Variants in DRAXIN observed in about 807,000 individuals in gnomAD.
The protein encoded by DRAXIN is dorsal inhibitory axon guidance protein, also known as dorsal repulsive axon guidance protein.
DRAXIN carries 27 observed loss-of-function variants against 33.9 expected under a neutral mutation model. That is an observed-to-expected ratio of 0.80 (90% CI 0.59 to 1.10). The LOEUF is 1.10. DRAXIN is among the 50% of genes least tolerant of loss of function. The pLI, the probability that DRAXIN is intolerant of heterozygous loss-of-function variation, is 0.00. For missense variants in DRAXIN, 371 were observed against 460.8 expected (o/e 0.81, Z 1.78); for synonymous variants, 178 against 194.0 (o/e 0.92, Z 0.69).
Position 11,720,318 on chromosome 1 carries a change from C to T in DRAXIN, c.*622C>T, listed in dbSNP as rs984298202. On this transcript the variant is annotated 3_prime_UTR_variant, in exon 7 of 7. Coordinates refer to ENST00000294485, the MANE Select transcript of DRAXIN (RefSeq NM_198545.4). ...AGTTAAAAATGTACATCTGGCCGGG[C>T]GCGGCGGCTCACGCTTGTAATCCCA... is the stretch of plus-strand genomic sequence containing the variant. 16 of 152,526 alleles carry T rather than the reference C, an allele frequency of 1.0e-4. No individual in the cohort carries two copies. The highest frequency in any genetic ancestry group is 6.5e-4 in the Admixed American group (10 of 15,296). The allele number at this position is 152,526 out of a possible 1,614,324, so 9.4% of individuals were successfully genotyped here. A position where few individuals can be genotyped will look rare whatever the true frequency, so the allele number is the denominator to read the frequency against.
Position 11,704,471 on chromosome 1 carries a change from C to G in DRAXIN, c.-10-1778C>G, listed in dbSNP as rs1641348745. 6.6e-6 allele frequency among the ~76,000 whole-genome samples: 1 copy of G among 152,214 alleles called. No homozygotes were observed. The highest frequency in any genetic ancestry group is 1.5e-5 in the Non-Finnish European group (1 of 68,048). The stretch of plus-strand genomic sequence containing the variant: ...AGGCCTTTAAAATGGGCCCCTCCTC[C>G]CCCTGGGCTGCCTCAGGAACCAGGG... On this transcript the variant is annotated intron_variant, in intron 1 of 6. Coordinates refer to ENST00000294485, the MANE Select transcript of DRAXIN (RefSeq NM_198545.4). This position sits in a 1 kb window ranked among gnomAD's most constrained non-coding sequence, Gnocchi z 4.6.
At chr1:11,719,494 G>A in intron 6 of DRAXIN, 90 bp from the exon 7 acceptor site, 1 of 1,137,246 alleles carries the variant, frequency 8.8e-7, no homozygotes, top group South Asian at 1.4e-5. Flanking sequence ...GAAGGCAGGA[G>A]GGAGCTGGCT....
chr1:11,706,301 G>A lies in DRAXIN; in HGVS notation c.43G>A (p.Val15Ile), dbSNP rs777262686. The part of the protein sequence containing the change: ...AIHTAPMLFL[V>I]LLLPLELSLA... ...CCACACCGCTCCCATGCTGTTCCTCGTCCTCCTGCTGCCCCTGGAGCTGAG... is the reference window on the plus strand; with the variant it reads ...CCACACCGCTCCCATGCTGTTCCTCATCCTCCTGCTGCCCCTGGAGCTGAG... The change falls in exon 2 of 7, where the codon GTC becomes ATC. Residue 15 changes from valine (V) to isoleucine (I), a missense_variant. Val to Ile is a conservative substitution (Grantham distance 29). Transcript: ENST00000294485. The surrounding 1 kb of genome is among the most constrained non-coding windows in gnomAD (Gnocchi z 5.5). 33 of 1,612,532 alleles carry A rather than the reference G, an allele frequency of 2.0e-5. No individual in the cohort carries two copies. Among genetic ancestry groups the A allele is most frequent in the East Asian group, 8.9e-5 (4 of 44,876 alleles).
upstream of DRAXIN, among the ~76,000 whole-genome samples, chr1:11,686,821 A>C (rs1640965545): frequency 6.6e-6 from 1 of 151,832 alleles, no homozygotes; most frequent in Non-Finnish European, 1.5e-5. Flanking sequence ...AAAAAAAAAA[A>C]AAAAAAAAAA....
intron 1 of DRAXIN, among the ~76,000 whole-genome samples, chr1:11,693,661 G>A (rs1035750375): frequency 3.3e-5 from 5 of 152,094 alleles, no homozygotes; most frequent in South Asian, 2.1e-4. Flanking sequence ...GCTCCTGCTC[G>A]AAATCCGACC....
chr1:11,723,975 A>G lies in DRAXIN; in HGVS notation c.*4279A>G, dbSNP rs1231710465. 6.6e-6 allele frequency: 1 copy of G among 152,212 alleles called. No homozygotes were observed. Among genetic ancestry groups the G allele is most frequent in the African/African-American group, 2.4e-5 (1 of 41,452 alleles). 9.4% of individuals were successfully genotyped at this position (152,212 alleles called of 1,614,324 possible). On this transcript the variant is annotated 3_prime_UTR_variant, in exon 7 of 7. Transcript: ENST00000294485. ...CCAGTGTTAGCTAATTTGTTATTCT[A>G]GGAGAATTTTAGATGTCGGTTCTTT...
chr1:11,707,504 C>T (rs1641407841), intron 2 of DRAXIN, among the ~76,000 whole-genome samples: 1 of 152,202 alleles, frequency 6.6e-6, no homozygotes, highest in Admixed American at 6.5e-5. Flanking sequence ...GGTCCCATCC[C>T]ATCTACCCTC....
At chr1:11,709,761 G>A (rs2100739427) in intron 3 of DRAXIN, among the ~76,000 whole-genome samples, 1 of 152,366 alleles carries the variant, frequency 6.6e-6, no homozygotes, top group East Asian at 1.9e-4. Flanking sequence ...AGAGCAGCAA[G>A]GCCTGGGGAG....
chr1:11,706,742 G>A lies in DRAXIN; in HGVS notation c.451+33G>A. On this transcript the variant is annotated intron_variant, in intron 2 of 6. Transcript: ENST00000294485. The surrounding 1 kb of genome is among the most constrained non-coding windows in gnomAD (Gnocchi z 5.5). ...GAGGGCTGCGAGGGGTGGGGATGGG[G>A]GTGATTCCTGCCATGGACTGAGGGG... 6.6e-7 allele frequency: 1 copy of A among 1,509,634 alleles called. No individual in the cohort carries two copies. Among genetic ancestry groups the A allele is most frequent in the Non-Finnish European group, 8.8e-7 (1 of 1,131,730 alleles). 93.5% of individuals were successfully genotyped at this position (1,509,634 alleles called of 1,614,324 possible).
rs755592811 is a variant in DRAXIN, at chr1:11,715,175, A to G, written c.904A>G (p.Asn302Asp). 1.9e-6 allele frequency: 3 copies of G among 1,614,238 alleles called. No individual in the cohort carries two copies. Among genetic ancestry groups the G allele is most frequent in the Middle Eastern group, 1.6e-4 (1 of 6,062 alleles). The part of the protein sequence containing the change: ...LCTPHNRGLN[N>D]KCFDDCMCVE... ...CACACCCCACAACCGAGGCCTCAAC[A>G]ACAAATGCTTCGATGACTGCATGTG... The change falls in exon 6 of 7, where the codon AAC becomes GAC. Residue 302 changes from asparagine to aspartate, a missense_variant. Asn to Asp is a conservative substitution (Grantham distance 23, BLOSUM62 1). Transcript: ENST00000294485.
intron 1 of DRAXIN, among the ~76,000 whole-genome samples, chr1:11,693,930 G>A (rs1250251946): frequency 2.0e-5 from 3 of 152,094 alleles, no homozygotes; most frequent in African/African-American, 7.2e-5. Context: ...TGTCCCCTCT[G>A]CGTCCCAGGT....
chr1:11,701,387 T>C (rs1170981296), intron 1 of DRAXIN, among the ~76,000 whole-genome samples: 7 of 152,204 alleles, frequency 4.6e-5, no homozygotes, highest in African/African-American at 1.7e-4. Context: ...TTCGTCATTT[T>C]AAAACCATGG....
rs952333782 is a variant in DRAXIN at position 11,704,899 on chromosome 1, C to T, written c.-10-1350C>T. ...ATGGAGGCAGAACTGGGTGAAGCCA[C>T]CACAGACCCTGCGAGGCTGGAGAAG... On this transcript the variant is annotated intron_variant, in intron 1 of 6. Coordinates refer to ENST00000294485, the MANE Select transcript of DRAXIN (RefSeq NM_198545.4). The surrounding 1 kb of genome is among the most constrained non-coding windows in gnomAD (Gnocchi z 4.6). 7.2e-5 allele frequency among the ~76,000 whole-genome samples: 11 copies of T among 152,170 alleles called. No homozygotes were observed. The highest frequency in any genetic ancestry group is 2.7e-4 in the African/African-American group (11 of 41,442).
chr1:11,719,695 A>C lies in DRAXIN; in HGVS notation c.1049A>C (p.Ter350SerextTer8). The change falls in exon 7 of 7, where the codon TAG (stop) becomes TCG (serine). Residue 350 changes from the stop codon to serine (S), a stop_lost. Transcript: ENST00000294485. ...NGDQGSFINV[*>S] ...GACCAGGGATCCTTCATCAACGTCT[A>C]GCGGCCCCGCGGGACTGGGGACTGA... 1 of 1,613,648 alleles carries C rather than the reference A, an allele frequency of 6.2e-7. No individual in the cohort carries two copies. Among genetic ancestry groups the C allele is most frequent in the Non-Finnish European group, 8.5e-7 (1 of 1,179,712 alleles).
chr1:11,705,758 G>A lies in DRAXIN; in HGVS notation c.-10-491G>A, dbSNP rs1044468791. 6.6e-6 allele frequency among the ~76,000 whole-genome samples: 1 copy of A among 152,202 alleles called. No individual in the cohort carries two copies. The highest frequency in any genetic ancestry group is 2.4e-5 in the African/African-American group (1 of 41,448). On this transcript the variant is annotated intron_variant, in intron 1 of 6. Coordinates refer to ENST00000294485, the MANE Select transcript of DRAXIN (RefSeq NM_198545.4). This position sits in a 1 kb window ranked among gnomAD's most constrained non-coding sequence, Gnocchi z 4.8. ...ACACAAAGCACTTAACGTGGGTCCTGCCTACAGCGTGCGCTCAAACGCTAT... is the reference window on the plus strand; with the variant it reads ...ACACAAAGCACTTAACGTGGGTCCTACCTACAGCGTGCGCTCAAACGCTAT...
chr1:11,724,194 C>T lies in DRAXIN; in HGVS notation c.*4498C>T, dbSNP rs45550733. 5,080 of 152,296 alleles carry T rather than the reference C, an allele frequency of 0.033. 158 individuals are homozygous for T. The highest frequency in any genetic ancestry group is 0.15 in the South Asian group (701 of 4,822). 9.4% of individuals were successfully genotyped at this position (152,296 alleles called of 1,614,324 possible). A position where few individuals can be genotyped will look rare whatever the true frequency, so the allele number is the denominator to read the frequency against. ...GGCAGCATGTGCAGATTCCAGGCAC[C>T]GAGGCAGGGCTGGAGGAGTAAGTGG... On this transcript the variant is annotated 3_prime_UTR_variant, in exon 7 of 7. Transcript: ENST00000294485.
At chr1:11,713,288 GT>G (rs1187427541) in intron 5 of DRAXIN, among the ~76,000 whole-genome samples, 4 of 152,162 alleles carry the variant, frequency 2.6e-5, no homozygotes, top group Admixed American at 6.5e-5. Flanking sequence ...AGGTCACACG[GT>G]TAAGAAGTGG....
chr1:11,718,000 CAA>C lies in DRAXIN; in HGVS notation c.938-1568_938-1567del, dbSNP rs57704802. 1.7e-3 allele frequency among the ~76,000 whole-genome samples: 138 copies of C among 80,846 alleles called. 3 individuals are homozygous for C. In the South Asian group the frequency reaches 0.029, roughly 17 times the overall value. The allele number at this position is 80,846 out of a possible 152,430, so 53.0% of individuals were successfully genotyped here. Reference sequence around the variant, plus strand: ...CAGGCAACAGAGCAAGACCCTGTCTCAAAAAAAAAAAAAAAAAGGGAGGCCCG... The same window carrying C: ...CAGGCAACAGAGCAAGACCCTGTCTCAAAAAAAAAAAAAAAGGGAGGCCCG... On this transcript the variant is annotated intron_variant, in intron 6 of 6. Coordinates refer to ENST00000294485, the MANE Select transcript of DRAXIN (RefSeq NM_198545.4).
At position 11,704,137 on chromosome 1, in the gene DRAXIN, T is replaced by A. The variant is rs1226910373; in HGVS notation, c.-10-2112T>A. On this transcript the variant is annotated intron_variant, in intron 1 of 6. Transcript: ENST00000294485. The surrounding 1 kb of genome is among the most constrained non-coding windows in gnomAD (Gnocchi z 4.6). ...CGCACTGTCTGGGTTTTCTTCCTCA[T>A]TCCCCTCAACCCCCAGGACAAGGAG... is the stretch of plus-strand genomic sequence containing the variant. Among the ~76,000 whole-genome samples the A allele has an allele frequency of 1.3e-5, 2 of 152,152 alleles. No homozygotes were observed. The highest frequency in any genetic ancestry group is 2.9e-5 in the Non-Finnish European group (2 of 68,006).
Sources: allele counts gnomAD v4.1 joint callset (sites outside exome capture counted in the v4.1 genomes callset), GRCh38; gene constraint gnomAD v4.1.1; non-coding constraint Gnocchi (gnomAD v3.1); transcripts MANE v1.5; gene names NCBI Gene and HGNC (gene_info 2026-07-23, HGNC 2026-07-21).